RPS6KC1: variants seen among roughly 807,000 people sequenced by gnomAD.
RPS6KC1 encodes the protein inactive ribosomal protein S6 kinase delta-1.
RPS6KC1 carries 54 observed loss-of-function variants against 103.8 expected under a neutral mutation model. The ratio of observed to expected loss-of-function variants is 0.52; its 90% CI spans 0.42 to 0.65. The LOEUF (loss-of-function observed/expected upper bound fraction) is 0.65, where lower values mean the gene tolerates loss of function less well. Among genes scored for constraint, RPS6KC1 ranks in the 30% least tolerant of loss-of-function variants. The pLI is 0.00. For synonymous variants in RPS6KC1, 439 were observed against 438.7 expected, an observed-to-expected ratio of 1.00 and a Z score of -0.01; for missense variants, 1,151 against 1,253.8, an observed-to-expected ratio of 0.92 and a Z score of 1.24.
intron 12 of RPS6KC1, among the ~76,000 whole-genome samples, chr1:213,259,432 A>G (rs895406865): frequency 6.6e-6 from 1 of 152,098 alleles, no homozygotes. Context: ...GTGTGGTGGC[A>G]CGCACCTGTA....
chr1:213,442,011 C>T, the RPS6KC1 span, among the ~76,000 whole-genome samples: 1 of 152,158 alleles, frequency 6.6e-6, no homozygotes, highest in East Asian at 1.9e-4. Flanking sequence ...GGCTAACTTC[C>T]CATCACTTCT....
chr1:213,825,544 G>T, the RPS6KC1 span, among the ~76,000 whole-genome samples: 1 of 152,144 alleles, frequency 6.6e-6, no homozygotes, highest in East Asian at 1.9e-4. Flanking sequence ...CCAGCCAGTG[G>T]TGGCCAGCTC....
At chr1:213,072,882 A>G in intron 2 of RPS6KC1, 1 of 967,180 alleles carries the variant, frequency 1.0e-6, no homozygotes, top group East Asian at 1.1e-4. Context: ...AGAATCCTGA[A>G]CCAACCTATC....
the RPS6KC1 span, among the ~76,000 whole-genome samples, chr1:213,475,725 T>G: frequency 6.6e-6 from 1 of 152,190 alleles, no homozygotes; most frequent in East Asian, 1.9e-4. Flanking sequence ...GCCAAGTCTT[T>G]CAAGCTCTAG....
the RPS6KC1 span, among the ~76,000 whole-genome samples, chr1:213,556,345 G>T: frequency 0.056 from 8,471 of 152,226 alleles, 807 homozygotes; most frequent in African/African-American, 0.19. Context: ...TTTTAAAGAA[G>T]AATGGAAAGA....
intron 9 of RPS6KC1, among the ~76,000 whole-genome samples, chr1:213,231,513 T>C (rs2094104256): frequency 6.6e-6 from 1 of 152,214 alleles, no homozygotes; most frequent in Non-Finnish European, 1.5e-5. Flanking sequence ...TCTTTTTCTG[T>C]TGCTTTTTCT....
the RPS6KC1 span, among the ~76,000 whole-genome samples, chr1:213,348,265 A>G: frequency 8.5e-5 from 13 of 152,192 alleles, no homozygotes; most frequent in Admixed American, 3.3e-4. Flanking sequence ...GCTACAGCCT[A>G]TGGCTACTTG....
Position 213,271,933 on chromosome 1 carries a change from T to A in RPS6KC1, c.3091-591T>A, listed in dbSNP as rs572487451. On this transcript the variant is annotated intron_variant, in intron 14 of 14. Transcript: ENST00000366960. The stretch of plus-strand genomic sequence containing the variant: ...AATTTGACATTATTAAACCACAAAA[T>A]TTTTTTTTACTTATTTTACACATGA... Among the ~76,000 whole-genome samples, 7 of 151,868 alleles carry A rather than the reference T, an allele frequency of 4.6e-5. 1 individual carries two copies. The highest frequency in any genetic ancestry group is 7.2e-5 in the African/African-American group (3 of 41,394).
At chr1:213,497,741 T>C in the RPS6KC1 span, among the ~76,000 whole-genome samples, 8 of 152,108 alleles carry the variant, frequency 5.3e-5, no homozygotes, top group South Asian at 2.1e-4. Flanking sequence ...ATAAATTCTG[T>C]AATAGTAAAA....
chr1:213,414,313 C>T, the RPS6KC1 span, among the ~76,000 whole-genome samples: 14 of 152,222 alleles, frequency 9.2e-5, no homozygotes, highest in South Asian at 6.2e-4. Context: ...ACCTGGAGAT[C>T]GGCTGCACAT....
At chr1:213,635,984 A>G in the RPS6KC1 span, among the ~76,000 whole-genome samples, 1 of 152,204 alleles carries the variant, frequency 6.6e-6, no homozygotes, top group African/African-American at 2.4e-5. Context: ...ACAGACAAAC[A>G]AAGAGCCAAA....
chr1:213,709,766 T>A, the RPS6KC1 span, among the ~76,000 whole-genome samples: 18 of 152,238 alleles, frequency 1.2e-4, no homozygotes, highest in Non-Finnish European at 5.9e-5. Context: ...CTGCCTCAAG[T>A]TCCTTATTTA....
chr1:213,306,615 T>C, the RPS6KC1 span, among the ~76,000 whole-genome samples: 1 of 152,198 alleles, frequency 6.6e-6, no homozygotes, highest in African/African-American at 2.4e-5. Context: ...AGGGAGAATG[T>C]TATGATTTAG....
At chr1:213,659,009 G>C in the RPS6KC1 span, among the ~76,000 whole-genome samples, 1 of 151,474 alleles carries the variant, frequency 6.6e-6, no homozygotes, top group African/African-American at 2.4e-5. Flanking sequence ...CTGTCACCCA[G>C]GCTGGAGCTC....
chr1:213,267,812 G>A (rs1446988289), intron 14 of RPS6KC1, among the ~76,000 whole-genome samples: 2 of 151,746 alleles, frequency 1.3e-5, no homozygotes, highest in Non-Finnish European at 2.9e-5. Flanking sequence ...AATGACTGAA[G>A]TGGCTAACAG....
chr1:213,607,318 T>C, the RPS6KC1 span, among the ~76,000 whole-genome samples: 1 of 152,304 alleles, frequency 6.6e-6, no homozygotes, highest in Non-Finnish European at 1.5e-5. Flanking sequence ...AAATGGGATA[T>C]AAGCCCACAG....
intron 2 of RPS6KC1, among the ~76,000 whole-genome samples, chr1:213,077,162 G>T (rs970119602): frequency 6.6e-6 from 1 of 152,152 alleles, no homozygotes; most frequent in Non-Finnish European, 1.5e-5. Context: ...GAACCACTGC[G>T]CCCGGCCAGT....
At chr1:213,458,857 A>G in the RPS6KC1 span, among the ~76,000 whole-genome samples, 7 of 152,154 alleles carry the variant, frequency 4.6e-5, no homozygotes, top group Non-Finnish European at 8.8e-5. Context: ...TTCTGCATCT[A>G]TTGAGATAAT....
At chr1:213,827,466 G>A in the RPS6KC1 span, among the ~76,000 whole-genome samples, 4 of 152,198 alleles carry the variant, frequency 2.6e-5, no homozygotes, top group African/African-American at 7.2e-5. Flanking sequence ...AGTGGAAAAT[G>A]AAGAGCACTG....
Sources: gnomAD v4.1 joint callset for allele counts (sites outside exome capture counted in the v4.1 genomes callset) on GRCh38, gnomAD v4.1.1 for gene constraint, MANE v1.5 for transcripts, NCBI Gene and HGNC (gene_info 2026-07-23, HGNC 2026-07-21) for gene names.